The following FLRT1 variants were observed in gnomAD, a reference collection of about 807,000 sequenced individuals.
The protein encoded by FLRT1 is leucine-rich repeat transmembrane protein FLRT1.
Under a neutral mutation model 30.9 loss-of-function variants are expected in FLRT1, and 14 were observed. That is an observed-to-expected ratio of 0.45 (90% CI 0.30 to 0.71). The LOEUF is 0.71. FLRT1 is among the 30% of genes least tolerant of loss of function. The pLI, the probability that FLRT1 is intolerant of heterozygous loss-of-function variation, is 0.08. For synonymous variants in FLRT1, 368 were observed against 430.4 expected (o/e 0.85, Z 1.80); for missense variants, 737 against 949.2 (o/e 0.78, Z 2.94).
intron 1 of FLRT1, among the ~76,000 whole-genome samples, chr11:64,039,481 G>C (rs1241108088): frequency 6.6e-6 from 1 of 152,162 alleles, no homozygotes; most frequent in Non-Finnish European, 1.5e-5. Flanking sequence ...GCTCTGGCTG[G>C]CCCACGAGGC....
intron 1 of FLRT1, among the ~76,000 whole-genome samples, chr11:64,086,175 G>T (rs2134507095): frequency 6.6e-6 from 1 of 152,326 alleles, no homozygotes; most frequent in South Asian, 2.1e-4. Context: ...GGACTCAACA[G>T]TGGGATCCCC....
chr11:64,060,586 A>G (rs1943880480), intron 1 of FLRT1: 1 of 152,180 alleles, frequency 6.6e-6, no homozygotes. Flanking sequence ...GTGGCCTCCC[A>G]TGCGCGCACA....
chr11:64,117,306 G>T lies in FLRT1; in HGVS notation c.1039G>T (p.Ala347Ser), dbSNP rs755874846. 1 of 1,614,152 alleles carries T rather than the reference G, an allele frequency of 6.2e-7. No individual in the cohort carries two copies. The highest frequency in any genetic ancestry group is 1.1e-5 in the South Asian group (1 of 91,080). ...GCTGCGGGACTGGGTGAAGGCACGG[G>T]CGGCCGTGGTCAACGTGCGGGGCCT... ...MWLRDWVKARAAVVNVRGLMC... is the reference protein window; with the variant it reads ...MWLRDWVKARSAVVNVRGLMC... The change falls in exon 3 of 3, where the codon GCG becomes TCG. Residue 347 changes from alanine (A) to serine (S), a missense_variant. Coordinates refer to ENST00000682287, the MANE Select transcript of FLRT1 (RefSeq NM_013280.5).
At chr11:64,063,900 G>C (rs939601685) in intron 1 of FLRT1, among the ~76,000 whole-genome samples, 57 of 152,334 alleles carry the variant, frequency 3.7e-4, no homozygotes, top group African/African-American at 1.4e-3. Context: ...AGGGGGACCA[G>C]CCGGGCCCTC....
At chr11:64,054,073 C>T (rs1166702234) in intron 1 of FLRT1, among the ~76,000 whole-genome samples, 2 of 152,264 alleles carry the variant, frequency 1.3e-5, no homozygotes, top group East Asian at 3.9e-4. Context: ...GCTGTCACCT[C>T]CACCTGCGAA....
chr11:64,044,170 G>T (rs1943541336), intron 1 of FLRT1, among the ~76,000 whole-genome samples: 1 of 151,904 alleles, frequency 6.6e-6, no homozygotes, highest in Non-Finnish European at 1.5e-5. Context: ...TACAACACAT[G>T]AGAGTAATCA....
At chr11:64,072,339 G>T (rs1020491365) in intron 1 of FLRT1, among the ~76,000 whole-genome samples, 36 of 152,326 alleles carry the variant, frequency 2.4e-4, no homozygotes, top group African/African-American at 7.5e-4. Context: ...AGCCTTTGGG[G>T]GTTGCCTCTG....
chr11:64,072,881 G>A (rs996974121), intron 1 of FLRT1, among the ~76,000 whole-genome samples: 3 of 152,206 alleles, frequency 2.0e-5, no homozygotes, highest in African/African-American at 7.2e-5. Context: ...ACCTACGTGT[G>A]GAGCAGGGGC....
In FLRT1 at chr11:64,118,390, G is replaced by T; in HGVS notation, c.*98G>T. 1.5e-6 allele frequency: 2 copies of T among 1,372,232 alleles called. No homozygotes were observed. Among genetic ancestry groups the T allele is most frequent in the Non-Finnish European group, 1.9e-6 (2 of 1,043,696 alleles). 85.0% of individuals were successfully genotyped at this position (1,372,232 alleles called of 1,614,324 possible). On this transcript the variant is annotated 3_prime_UTR_variant, in exon 3 of 3. Coordinates refer to ENST00000682287, the MANE Select transcript of FLRT1 (RefSeq NM_013280.5). Reference sequence around the variant, plus strand: ...CTGCAATCCAAGAGAGCAAGGAAGAGAAATTCCATGGGTGACTTTCCTCCG... The same window carrying T: ...CTGCAATCCAAGAGAGCAAGGAAGATAAATTCCATGGGTGACTTTCCTCCG...
intron 1 of FLRT1, among the ~76,000 whole-genome samples, chr11:64,093,841 A>G (rs1388285672): frequency 6.6e-6 from 1 of 152,188 alleles, no homozygotes; most frequent in Non-Finnish European, 1.5e-5. Flanking sequence ...ACCTCCTTCA[A>G]TATACCATTG....
chr11:64,072,436 AT>A (rs201626910), intron 1 of FLRT1, among the ~76,000 whole-genome samples: 75 of 147,984 alleles, frequency 5.1e-4, no homozygotes, highest in African/African-American at 1.8e-3. Flanking sequence ...AAAAAAAAAA[AT>A]AATAATTACA....
At chr11:64,054,020 C>T (rs1008085068) in intron 1 of FLRT1, among the ~76,000 whole-genome samples, 1 of 152,176 alleles carries the variant, frequency 6.6e-6, no homozygotes, top group African/African-American at 2.4e-5. Flanking sequence ...CTTGCTCCCA[C>T]GTGGTTCAGA....
In FLRT1 at chr11:64,090,427, C is replaced by T. The variant is rs900346693; in HGVS notation, c.-1037-12767C>T. 6.3e-4 allele frequency among the ~76,000 whole-genome samples: 96 copies of T among 152,202 alleles called. 1 individual carries two copies. Among genetic ancestry groups the T allele is most frequent in the Admixed American group, 4.6e-4 (7 of 15,288 alleles). ...TTTATTTCCTCAACTCACCTCCAGC[C>T]CGGGCAGCAGTGGGTCGATAATAAT... On this transcript the variant is annotated intron_variant, in intron 1 of 2. Coordinates refer to ENST00000682287, the MANE Select transcript of FLRT1 (RefSeq NM_013280.5). This position sits in a 1 kb window ranked among gnomAD's most constrained non-coding sequence, Gnocchi z 4.7.
rs1316151164 is a variant in FLRT1 at position 64,116,832 on chromosome 11, C to T, written c.565C>T (p.Leu189=). ...GCTGCTCTTCCTGAGCCGGAACCAC[C>T]TGAGCAGCATCCCCTCGGGGCTGCC... ...LKLLFLSRNH[L]SSIPSGLPHT... is the part of the protein sequence containing the mutation. The change falls in exon 3 of 3, where the codon CTG becomes TTG. Residue 189 remains leucine, a synonymous_variant. Coordinates refer to ENST00000682287, the MANE Select transcript of FLRT1 (RefSeq NM_013280.5). 1.5e-5 allele frequency: 25 copies of T among 1,613,000 alleles called. No individual in the cohort carries two copies. Among genetic ancestry groups the T allele is most frequent in the Non-Finnish European group, 2.0e-5 (24 of 1,179,992 alleles).
chr11:64,064,265 A>T lies in FLRT1; in HGVS notation c.-1038+28106A>T, dbSNP rs1365006679. Among the ~76,000 whole-genome samples the T allele has an allele frequency of 2.6e-5, 4 of 152,200 alleles. No homozygotes were observed. Among genetic ancestry groups the T allele is most frequent in the African/African-American group, 9.7e-5 (4 of 41,444 alleles). On this transcript the variant is annotated intron_variant, in intron 1 of 2. Coordinates refer to ENST00000682287, the MANE Select transcript of FLRT1 (RefSeq NM_013280.5). This position sits in a 1 kb window ranked among gnomAD's most constrained non-coding sequence, Gnocchi z 4.5. ...TAGGGTTGGGGACAAAAAGCAACCAAGCCACACCGTAGTCTCCACGTGCAG... is the reference window on the plus strand; with the variant it reads ...TAGGGTTGGGGACAAAAAGCAACCATGCCACACCGTAGTCTCCACGTGCAG...
chr11:64,107,470 C>CTGCCGCCTGGCAACAG (rs1377726522), intron 2 of FLRT1, among the ~76,000 whole-genome samples: 1 of 152,198 alleles, frequency 6.6e-6, no homozygotes, highest in African/African-American at 2.4e-5. Context: ...TCAGGACATC[C>CTGCCGCCTGGCAACAG]CGCCGCCTGG....
chr11:64,084,981 C>T (rs1385985555), intron 1 of FLRT1, among the ~76,000 whole-genome samples: 1 of 152,252 alleles, frequency 6.6e-6, no homozygotes, highest in Non-Finnish European at 1.5e-5. Flanking sequence ...CACATGCAGA[C>T]ACAGTTCTAA....
chr11:64,118,937 A>C lies in FLRT1; in HGVS notation c.*645A>C, dbSNP rs370302486. 7 of 167,200 alleles carry C rather than the reference A, an allele frequency of 4.2e-5. No homozygotes were observed. The highest frequency in any genetic ancestry group is 3.4e-3 in the Middle Eastern group (1 of 296). The allele number at this position is 167,200 out of a possible 1,614,324, so 10.4% of individuals were successfully genotyped here. On this transcript the variant is annotated 3_prime_UTR_variant, in exon 3 of 3. Transcript: ENST00000682287. ...AATCATGTAGTCGATTAAAAAAAAA[A>C]AACAAACTTTTTTTTCCTAGGCTGA...
chr11:64,100,588 GC>G (rs1315274674), intron 1 of FLRT1, among the ~76,000 whole-genome samples: 2 of 152,184 alleles, frequency 1.3e-5, no homozygotes, highest in Non-Finnish European at 2.9e-5. Flanking sequence ...TGTCTGCCAG[GC>G]GCACGCATTT....
Sources: gnomAD v4.1 joint callset for allele counts (sites outside exome capture counted in the v4.1 genomes callset) on GRCh38, gnomAD v4.1.1 for gene constraint, Gnocchi (gnomAD v3.1) non-coding constraint, MANE v1.5 for transcripts, NCBI Gene and HGNC (gene_info 2026-07-23, HGNC 2026-07-21) for gene names.